C12orf50: variants seen among roughly 807,000 people sequenced by gnomAD.
The protein encoded by C12orf50 is uncharacterized protein C12orf50.
C12orf50 carries 35 observed loss-of-function variants against 61.6 expected under a neutral mutation model. The ratio of observed to expected loss-of-function variants is 0.57; its 90% CI spans 0.43 to 0.75. The LOEUF (loss-of-function observed/expected upper bound fraction) is 0.75, where lower values mean the gene tolerates loss of function less well. Among genes scored for constraint, C12orf50 ranks in the 30% least tolerant of loss-of-function variants. The pLI is 0.00. For synonymous variants in C12orf50, 178 were observed against 161.5 expected (o/e 1.10, Z -0.77); for missense variants, 475 against 488.5 (o/e 0.97, Z 0.26).
intron 10 of C12orf50, 31 bp from the exon 11 acceptor site, chr12:87,986,084 T>A: frequency 5.0e-6 from 8 of 1,597,680 alleles, no homozygotes; most frequent in Non-Finnish European, 6.9e-6. Context: ...GAGTGAGGAA[T>A]AAAACAGGCT....
At chr12:87,994,885 A>AT in intron 6 of C12orf50, 142 bp from the exon 7 acceptor site, 1 of 580,190 alleles carries the variant, frequency 1.7e-6, no homozygotes, top group Non-Finnish European at 3.0e-6. Context: ...TAAACAATAA[A>AT]TTAATAAATA....
At chr12:87,985,498 G>A (rs944999381) in intron 11 of C12orf50, 1 of 225,674 alleles carries the variant, frequency 4.4e-6, no homozygotes, top group South Asian at 1.1e-4. Context: ...TAGCCTGACA[G>A]TGAAAATTGA....
At chr12:88,027,722 T>C (rs1447134411) in intron 1 of C12orf50, 1 of 152,228 alleles carries the variant, frequency 6.6e-6, no homozygotes, top group African/African-American at 2.4e-5. Context: ...TGGGCCGCTA[T>C]TACTTCTTAA....
At chr12:87,993,651 G>C (rs2031240206) in intron 7 of C12orf50, among the ~76,000 whole-genome samples, 1 of 152,086 alleles carries the variant, frequency 6.6e-6, no homozygotes, top group African/African-American at 2.4e-5. Flanking sequence ...ATATGCCTAA[G>C]AGATACTGGT....
chr12:88,001,851 T>G (rs1695288847), intron 3 of C12orf50, among the ~76,000 whole-genome samples: 1 of 151,588 alleles, frequency 6.6e-6, no homozygotes, highest in Non-Finnish European at 1.5e-5. Context: ...ATTTTTTATT[T>G]CTGATTTTAG....
intron 10 of C12orf50, 93 bp from the exon 11 acceptor site, chr12:87,986,146 T>C (rs2030810746): frequency 1.4e-6 from 2 of 1,420,588 alleles, no homozygotes; most frequent in East Asian, 4.6e-5. Context: ...CATAGCATAA[T>C]GGAAGCCAAT....
chr12:88,000,025 T>C (rs75941963), intron 3 of C12orf50, among the ~76,000 whole-genome samples: 7,586 of 152,168 alleles, frequency 0.05, 606 homozygotes, highest in African/African-American at 0.17. Context: ...GTTTTGGGAA[T>C]TGGAAAAAAA....
intron 3 of C12orf50, among the ~76,000 whole-genome samples, chr12:88,007,567 C>T (rs977143943): frequency 2.0e-5 from 3 of 152,288 alleles, no homozygotes; most frequent in South Asian, 2.1e-4. Flanking sequence ...ATGCTGTGTC[C>T]TCACACAGAA....
intron 3 of C12orf50, among the ~76,000 whole-genome samples, chr12:88,023,814 T>C (rs1050772060): frequency 2.0e-5 from 3 of 149,722 alleles, no homozygotes; most frequent in Non-Finnish European, 4.5e-5. Flanking sequence ...AACTAAAGAG[T>C]TTCTGCACAG....
At chr12:88,015,493 C>G (rs1190841343) in intron 3 of C12orf50, among the ~76,000 whole-genome samples, 1 of 152,188 alleles carries the variant, frequency 6.6e-6, no homozygotes, top group Non-Finnish European at 1.5e-5. Context: ...AAAGTGGCAA[C>G]TAGCCAAGGA....
At chr12:88,029,854 T>C (rs1437655881), upstream of C12orf50, among the ~76,000 whole-genome samples, 1 of 152,202 alleles carries the variant, frequency 6.6e-6, no homozygotes, top group East Asian at 1.9e-4. Context: ...GAAAATATAT[T>C]GGGCTACTTA....
Position 87,987,842 on chromosome 12 carries a change from T to C in C12orf50, c.817+8A>G. The C allele has an allele frequency of 6.5e-7, 1 of 1,532,406 alleles. No individual in the cohort carries two copies. The highest frequency in any genetic ancestry group is 9.0e-7 in the Non-Finnish European group (1 of 1,108,854). 94.9% of individuals were successfully genotyped at this position (1,532,406 alleles called of 1,614,324 possible). A position where few individuals can be genotyped will look rare whatever the true frequency, so the allele number is the denominator to read the frequency against. On this transcript the variant is annotated splice_region_variant and intron_variant, in intron 9 of 12. Transcript: ENST00000298699. ...TGAGGCCAAAAAGTGATAGAGCTAA[T>C]GTCTCACTTGAAGAGGGGTCCTCTC...
intron 3 of C12orf50, among the ~76,000 whole-genome samples, chr12:88,001,502 T>C (rs2031652604): frequency 6.6e-6 from 1 of 151,058 alleles, no homozygotes; most frequent in Non-Finnish European, 1.5e-5. Context: ...GAACATCTCA[T>C]AGACATGAGT....
intron 3 of C12orf50, among the ~76,000 whole-genome samples, chr12:88,012,970 G>A (rs972393061): frequency 1.4e-4 from 22 of 152,168 alleles, no homozygotes; most frequent in Admixed American, 1.2e-3. Context: ...AGGCTGAGGT[G>A]AGAGGATCAC....
chr12:87,993,205 T>C (rs1257467138), intron 7 of C12orf50, among the ~76,000 whole-genome samples: 1 of 152,162 alleles, frequency 6.6e-6, no homozygotes, highest in Non-Finnish European at 1.5e-5. Context: ...CCCAACAAAG[T>C]AGGTAATATA....
In C12orf50 at chr12:87,989,424, T is replaced by C. The variant is rs1367973684; in HGVS notation, c.593-53A>G. On this transcript the variant is annotated intron_variant, in intron 7 of 12. Transcript: ENST00000298699. Reference sequence around the variant, plus strand: ...AACAATGGCAGAAAGTGATACAAACTAGCTTTCAATACAGGAACATTTTCT... The same window carrying C: ...AACAATGGCAGAAAGTGATACAAACCAGCTTTCAATACAGGAACATTTTCT... 5.5e-6 allele frequency: 7 copies of C among 1,273,410 alleles called. No individual in the cohort carries two copies. In the East Asian group the frequency reaches 1.6e-4, roughly 30 times the overall value. The allele number at this position is 1,273,410 out of a possible 1,614,324, so 78.9% of individuals were successfully genotyped here. A position where few individuals can be genotyped will look rare whatever the true frequency, so the allele number is the denominator to read the frequency against.
At chr12:87,981,147 G>C (rs574475346) in intron 12 of C12orf50, among the ~76,000 whole-genome samples, 91 of 152,134 alleles carry the variant, frequency 6.0e-4, no homozygotes, top group African/African-American at 2.2e-3. Context: ...GTCCAATTCA[G>C]TGATTTATTA....
At chr12:88,008,246 G>GTGT in intron 3 of C12orf50, among the ~76,000 whole-genome samples, 1 of 152,084 alleles carries the variant, frequency 6.6e-6, no homozygotes, top group East Asian at 1.9e-4. Flanking sequence ...ACCCCAGTGT[G>GTGT]TGTTGTTCTC....
At chr12:87,995,019 T>A (rs1333813981) in intron 6 of C12orf50, among the ~76,000 whole-genome samples, 1 of 152,162 alleles carries the variant, frequency 6.6e-6, no homozygotes. Flanking sequence ...ATAATATATC[T>A]AGTTTGATAT....
Sources: allele counts gnomAD v4.1 joint callset (sites outside exome capture counted in the v4.1 genomes callset), GRCh38; gene constraint gnomAD v4.1.1; transcripts MANE v1.5; gene names NCBI Gene and HGNC (gene_info 2026-07-23, HGNC 2026-07-21).